ATL2: variants seen among roughly 807,000 people sequenced by gnomAD.
ATL2 encodes the protein atlastin-2.
ATL2 carries 31 observed loss-of-function variants against 73.9 expected under a neutral mutation model. The ratio of observed to expected loss-of-function variants is 0.42; its 90% CI spans 0.32 to 0.57. The LOEUF is 0.57. Ranked by LOEUF, ATL2 falls within the 20% of genes least tolerant of loss-of-function variation. ATL2 has a pLI of 0.14. For synonymous variants in ATL2, 291 were observed against 237.5 expected, an observed-to-expected ratio of 1.23 and a Z score of -2.07; for missense variants, 738 against 702.6, an observed-to-expected ratio of 1.05 and a Z score of -0.57.
intron 2 of ATL2, among the ~76,000 whole-genome samples, chr2:38,329,062 T>G (rs916941232): frequency 7.0e-6 from 1 of 143,308 alleles, no homozygotes; most frequent in Non-Finnish European, 1.5e-5. Context: ...TTAGTTGAAA[T>G]GGAGCAATTC....
intron 2 of ATL2, among the ~76,000 whole-genome samples, chr2:38,337,065 G>C (rs961990625): frequency 3.3e-5 from 5 of 151,888 alleles, no homozygotes; most frequent in African/African-American, 1.2e-4. Context: ...CCAACAATCA[G>C]TATCTTCAAC....
intron 1 of ATL2, among the ~76,000 whole-genome samples, chr2:38,352,187 G>A (rs1036687547): frequency 1.5e-5 from 2 of 137,042 alleles, no homozygotes; most frequent in Middle Eastern, 4.2e-3. Context: ...TGGGAAAAGG[G>A]CAGACTACAA....
chr2:38,357,449 G>GAA (rs202158026), intron 1 of ATL2, among the ~76,000 whole-genome samples: 5 of 138,000 alleles, frequency 3.6e-5, no homozygotes, highest in African/African-American at 1.3e-4. Flanking sequence ...TGGGATTAAG[G>GAA]AAAAAAAAAA....
Position 38,321,882 on chromosome 2 carries a change from T to C in ATL2, c.364-2863A>G, listed in dbSNP as rs192318227. ...TGCACACCACCACACCTGGCTGATTTTGGTATTTTTTGTAGAGAGGGGGTT... is the reference window on the plus strand; with the variant it reads ...TGCACACCACCACACCTGGCTGATTCTGGTATTTTTTGTAGAGAGGGGGTT... On this transcript the variant is annotated intron_variant, in intron 2 of 12. Coordinates refer to ENST00000378954, the MANE Select transcript of ATL2 (RefSeq NM_001135673.4). 3.2e-4 allele frequency among the ~76,000 whole-genome samples: 48 copies of C among 152,124 alleles called. No homozygotes were observed. In the Middle Eastern group the frequency reaches 0.01, roughly 32 times the overall value.
Position 38,296,132 on chromosome 2 carries a change from G to C in ATL2, c.1633-19C>G, listed in dbSNP as rs949705935. On this transcript the variant is annotated intron_variant, in intron 12 of 12. Transcript: ENST00000378954. ...TCAATACCTGTGGTATGAGAAATGT[G>C]CAAAACAAACAAAAACATGAGGTAA... 16 of 1,532,164 alleles carry C rather than the reference G, an allele frequency of 1.0e-5. 1 individual carries two copies. The Admixed American group carries it at 3.4e-4, about 32-fold the overall frequency. The allele number at this position is 1,532,164 out of a possible 1,614,324, so 94.9% of individuals were successfully genotyped here. A position where few individuals can be genotyped will look rare whatever the true frequency, so the allele number is the denominator to read the frequency against.
chr2:38,351,034 G>T (rs535351721), intron 1 of ATL2, among the ~76,000 whole-genome samples: 1 of 152,054 alleles, frequency 6.6e-6, no homozygotes, highest in African/African-American at 2.4e-5. Flanking sequence ...AGAGAACAAA[G>T]AATAATTCAC....
chr2:38,307,522 T>C (rs1027476055), intron 9 of ATL2, among the ~76,000 whole-genome samples: 27 of 151,838 alleles, frequency 1.8e-4, no homozygotes, highest in African/African-American at 5.1e-4. Flanking sequence ...GAAGAAAACA[T>C]TGGGGAAACC....
chr2:38,319,385 G>A (rs953723747), intron 2 of ATL2, among the ~76,000 whole-genome samples: 3 of 152,126 alleles, frequency 2.0e-5, no homozygotes, highest in Non-Finnish European at 4.4e-5. Flanking sequence ...TATCACTTGA[G>A]GCCAGGAATT....
chr2:38,302,605 G>C (rs934335157), intron 9 of ATL2, among the ~76,000 whole-genome samples: 5 of 152,214 alleles, frequency 3.3e-5, no homozygotes, highest in Admixed American at 3.3e-4. Context: ...GCTCCAGGCA[G>C]CTCAGCACAG....
rs956455623 is a variant in ATL2 at position 38,317,726 on chromosome 2, T to C, written c.603+809A>G. Among the ~76,000 whole-genome samples, 4 of 152,064 alleles carry C rather than the reference T, an allele frequency of 2.6e-5. No homozygotes were observed. The East Asian group carries it at 5.8e-4, about 22-fold the overall frequency. On this transcript the variant is annotated intron_variant, in intron 4 of 12. Coordinates refer to ENST00000378954, the MANE Select transcript of ATL2 (RefSeq NM_001135673.4). ...TTTGTTTTAGCCAAAAAAACAAAAA[T>C]ATACTCTCCATATTACTGTGTCTGG...
intron 2 of ATL2, among the ~76,000 whole-genome samples, chr2:38,321,723 CT>C (rs1185008326): frequency 1.3e-5 from 2 of 151,230 alleles, no homozygotes; most frequent in East Asian, 3.9e-4. Context: ...TCTTTTTTTT[CT>C]TTTTTTGAGA....
At chr2:38,352,306 G>C (rs958396443) in intron 1 of ATL2, among the ~76,000 whole-genome samples, 22 of 152,130 alleles carry the variant, frequency 1.4e-4, no homozygotes, top group Non-Finnish European at 2.8e-4. Flanking sequence ...GTATCAGACT[G>C]GCCCTCGACC....
chr2:38,376,344 G>A (rs1021275163), intron 1 of ATL2: 4 of 980,152 alleles, frequency 4.1e-6, no homozygotes, highest in Admixed American at 6.2e-5. Context: ...CGTACAGTAG[G>A]AGCTCACATT....
intron 1 of ATL2, among the ~76,000 whole-genome samples, chr2:38,348,427 T>C (rs951800278): frequency 3.3e-5 from 5 of 151,428 alleles, no homozygotes; most frequent in African/African-American, 4.9e-5. Context: ...GATTGCGCCA[T>C]TGCACTCCAG....
At chr2:38,296,163 G>C in intron 12 of ATL2, 50 bp from the exon 13 acceptor site, 1 of 1,498,414 alleles carries the variant, frequency 6.7e-7, no homozygotes, top group Non-Finnish European at 8.9e-7. Flanking sequence ...GGTAAAAAAA[G>C]AGTTACATAT....
rs761991006 is a variant in ATL2, at chr2:38,298,337, G to A, written c.1439C>T (p.Ala480Val). ...GATTATATACATAGCAAACATGACC[G>A]CAAACAGTGTGGCTGGGGTACGAGC... ...YAARTPATLF[A>V]VMFAMYIISG... Residue 480 changes from alanine (A) to valine (V), a missense_variant, in exon 12 of 13, where the codon GCG becomes GTG. By Grantham distance (64) the Ala-to-Val change is moderately conservative. Transcript: ENST00000378954. 1.9e-5 allele frequency: 30 copies of A among 1,614,050 alleles called. No homozygotes were observed. The highest frequency in any genetic ancestry group is 6.7e-5 in the African/African-American group (5 of 74,918).
At chr2:38,358,640 C>T (rs573277374) in intron 1 of ATL2, 16 of 207,972 alleles carry the variant, frequency 7.7e-5, no homozygotes, top group Admixed American at 1.7e-4. Flanking sequence ...TGCAGTGAGC[C>T]GAGACCGTGC....
intron 7 of ATL2, among the ~76,000 whole-genome samples, chr2:38,310,811 A>C (rs908100623): frequency 1.3e-5 from 2 of 151,562 alleles, no homozygotes; most frequent in Non-Finnish European, 2.9e-5. Flanking sequence ...CTAATTTTGT[A>C]TTTTTAGTAG....
intron 1 of ATL2, among the ~76,000 whole-genome samples, chr2:38,368,747 A>G (rs867636971): frequency 6.6e-6 from 1 of 152,346 alleles, no homozygotes; most frequent in Middle Eastern, 3.4e-3. Flanking sequence ...TTACAAAACA[A>G]TAAAAGAAAT....
Sources: allele counts gnomAD v4.1 joint callset (sites outside exome capture counted in the v4.1 genomes callset), GRCh38; gene constraint gnomAD v4.1.1; transcripts MANE v1.5; gene names NCBI Gene and HGNC (gene_info 2026-07-23, HGNC 2026-07-21).